ANK3: variants seen among roughly 807,000 people sequenced by gnomAD.
ANK3 encodes ankyrin-3.
ANK3 carries 57 observed loss-of-function variants against 370.9 expected under a neutral mutation model. That is an observed-to-expected ratio of 0.15 (90% CI 0.12 to 0.19). The LOEUF is 0.19. Ranked by LOEUF, ANK3 falls within the 10% of genes least tolerant of loss-of-function variation. The probability of loss-of-function intolerance (pLI) is 1.00; values close to 1 mark genes in which losing one functional copy is unlikely to be tolerated. For synonymous variants in ANK3, 1,929 were observed against 1,946.3 expected, an observed-to-expected ratio of 0.99 and a Z score of 0.23; for missense variants, 4,439 against 5,302.1, an observed-to-expected ratio of 0.84 and a Z score of 5.06.
intron 2 of ANK3, among the ~76,000 whole-genome samples, chr10:60,517,854 A>G (rs752476045): frequency 6.6e-6 from 1 of 151,380 alleles, no homozygotes; most frequent in Non-Finnish European, 1.5e-5. Context: ...CCTCCCCAGC[A>G]GACAGTAAAG....
At chr10:60,630,169 CATG>C (rs2133339035) in intron 1 of ANK3, among the ~76,000 whole-genome samples, 1 of 152,156 alleles carries the variant, frequency 6.6e-6, no homozygotes, top group East Asian at 1.9e-4. Flanking sequence ...TGTCAAAGGG[CATG>C]ATATCTCCCT....
chr10:60,405,610 A>G (rs1594964244), intron 2 of ANK3, among the ~76,000 whole-genome samples: 2 of 152,212 alleles, frequency 1.3e-5, no homozygotes, highest in East Asian at 1.9e-4. Flanking sequence ...CAACTGGTAC[A>G]TTTAAGTTTT....
At chr10:60,670,461 C>G (rs1296807882) in intron 1 of ANK3, among the ~76,000 whole-genome samples, 1 of 152,140 alleles carries the variant, frequency 6.6e-6, no homozygotes, top group Non-Finnish European at 1.5e-5. Context: ...CAGATCCACT[C>G]GGTTCCAAAC....
intron 2 of ANK3, among the ~76,000 whole-genome samples, chr10:60,500,988 T>G (rs1450226779): frequency 1.3e-5 from 2 of 152,212 alleles, no homozygotes; most frequent in Non-Finnish European, 2.9e-5. Context: ...ATAAATATTC[T>G]GCCTTCCAAG....
At chr10:60,065,307 G>A (rs745837726) in intron 38 of ANK3, among the ~76,000 whole-genome samples, 2 of 152,180 alleles carry the variant, frequency 1.3e-5, no homozygotes, top group African/African-American at 4.8e-5. Flanking sequence ...AGTCAGAGAA[G>A]GGAAGGAGAC....
intron 2 of ANK3, among the ~76,000 whole-genome samples, chr10:60,436,527 T>C (rs1040896054): frequency 9.9e-5 from 15 of 152,228 alleles, no homozygotes; most frequent in Non-Finnish European, 1.5e-5. Flanking sequence ...TATCTCATTG[T>C]AGTTTTGTTT....
intron 2 of ANK3, among the ~76,000 whole-genome samples, chr10:60,448,291 T>C (rs1044045841): frequency 6.6e-6 from 1 of 152,228 alleles, no homozygotes; most frequent in Non-Finnish European, 1.5e-5. Flanking sequence ...AAAATAATTA[T>C]ATGAAACTAC....
At chr10:60,080,428 A>G in intron 36 of ANK3, 109 bp downstream of exon 36, 1 of 952,090 alleles carries the variant, frequency 1.1e-6, no homozygotes, top group Admixed American at 2.4e-5. Context: ...CCTGCAGGCA[A>G]TTTTTCTTTT....
intron 7 of ANK3, among the ~76,000 whole-genome samples, chr10:60,235,324 A>G (rs1447364111): frequency 6.6e-6 from 1 of 152,190 alleles, no homozygotes; most frequent in Non-Finnish European, 1.5e-5. Flanking sequence ...AAATGTGTTT[A>G]CAGGCATTTG....
At chr10:60,230,299 A>C (rs566264454) in intron 8 of ANK3, among the ~76,000 whole-genome samples, 1 of 152,312 alleles carries the variant, frequency 6.6e-6, no homozygotes, top group South Asian at 2.1e-4. Flanking sequence ...AGTGGAAAGA[A>C]ATAGGGGCCA....
chr10:60,468,639 C>T (rs1333110869), intron 2 of ANK3, among the ~76,000 whole-genome samples: 2 of 151,790 alleles, frequency 1.3e-5, no homozygotes, highest in African/African-American at 4.8e-5. Context: ...GTTTCCAGTC[C>T]CAGCTCTGTC....
At chr10:60,641,837 A>T (rs2078637800) in intron 1 of ANK3, among the ~76,000 whole-genome samples, 1 of 152,096 alleles carries the variant, frequency 6.6e-6, no homozygotes, top group South Asian at 2.1e-4. Flanking sequence ...CATCAGAGTG[A>T]ACAGGCAACC....
intron 23 of ANK3, among the ~76,000 whole-genome samples, chr10:60,153,233 A>G (rs2095214585): frequency 6.6e-6 from 1 of 152,240 alleles, no homozygotes; most frequent in Non-Finnish European, 1.5e-5. Flanking sequence ...GTGGAATAAC[A>G]TGATCCAATG....
intron 25 of ANK3, among the ~76,000 whole-genome samples, chr10:60,121,917 CCTA>C (rs1267080317): frequency 6.6e-6 from 1 of 152,008 alleles, no homozygotes; most frequent in Non-Finnish European, 1.5e-5. Flanking sequence ...AATATATATG[CCTA>C]CTATGTATTC....
At chr10:60,132,925 T>C (rs2094165128) in intron 25 of ANK3, among the ~76,000 whole-genome samples, 1 of 152,156 alleles carries the variant, frequency 6.6e-6, no homozygotes, top group African/African-American at 2.4e-5. Context: ...CTATAATCAT[T>C]TTTAATAGAG....
At chr10:60,183,453 G>T (rs1270813333) in intron 17 of ANK3, among the ~76,000 whole-genome samples, 1 of 151,938 alleles carries the variant, frequency 6.6e-6, no homozygotes, top group Non-Finnish European at 1.5e-5. Context: ...TTATATTCTT[G>T]GTTATAATTC....
At chr10:60,308,576 G>A (rs777659788) in intron 1 of ANK3, among the ~76,000 whole-genome samples, 2 of 151,986 alleles carry the variant, frequency 1.3e-5, no homozygotes, top group East Asian at 1.9e-4. Context: ...GTGCCTGGCC[G>A]GAATCTGGTG....
chr10:60,338,427 A>G (rs964206997), intron 1 of ANK3, among the ~76,000 whole-genome samples: 1 of 152,186 alleles, frequency 6.6e-6, no homozygotes, highest in Non-Finnish European at 1.5e-5. Flanking sequence ...ACAAGTTCCC[A>G]GGTGATGCTG....
At chr10:60,062,678 A>G (rs565507408) in intron 40 of ANK3, 1 of 152,544 alleles carries the variant, frequency 6.6e-6, no homozygotes, top group Admixed American at 6.5e-5. Context: ...TTACCTTACA[A>G]TTTGTATACT....
Sources: gnomAD v4.1 joint callset for allele counts (sites outside exome capture counted in the v4.1 genomes callset) on GRCh38, gnomAD v4.1.1 for gene constraint, MANE v1.5 for transcripts, NCBI Gene and HGNC (gene_info 2026-07-23, HGNC 2026-07-21) for gene names.